PTPRM: variants seen among roughly 807,000 people sequenced by gnomAD.
The protein encoded by PTPRM is receptor-type tyrosine-protein phosphatase mu.
In PTPRM, 47 loss-of-function variants were observed where a neutral mutation model predicts 186.7. The ratio of observed to expected loss-of-function variants is 0.25; its 90% CI spans 0.20 to 0.32. The LOEUF (loss-of-function observed/expected upper bound fraction) is 0.32. Ranked by LOEUF, PTPRM falls within the 10% of genes least tolerant of loss-of-function variation. The pLI, the probability that PTPRM is intolerant of heterozygous loss-of-function variation, is 1.00. For synonymous variants in PTPRM, 668 were observed against 674.9 expected, an observed-to-expected ratio of 0.99 and a Z score of 0.16; for missense variants, 1,494 against 1,865.0, an observed-to-expected ratio of 0.80 and a Z score of 3.66.
chr18:8,337,371 TTCTTA>T (rs1446002103), intron 22 of PTPRM, among the ~76,000 whole-genome samples: 9 of 152,272 alleles, frequency 5.9e-5, no homozygotes, highest in African/African-American at 2.2e-4. Flanking sequence ...GTGTGGGCTG[TTCTTA>T]TCTTATCTCT....
At chr18:8,207,221 G>A (rs3886863) in intron 14 of PTPRM, among the ~76,000 whole-genome samples, 7,299 of 152,274 alleles carry the variant, frequency 0.048, 228 homozygotes, top group Admixed American at 0.076. Flanking sequence ...CTGGACTAGA[G>A]AAATAAAATT....
At position 8,061,422 on chromosome 18, in the gene PTPRM, G is replaced by A. The variant is rs1298292; in HGVS notation, c.1133-8264G>A. Among the ~76,000 whole-genome samples, 28 of 134,238 alleles carry A rather than the reference G, an allele frequency of 2.1e-4. 1 individual carries two copies. The highest frequency in any genetic ancestry group is 7.4e-4 in the African/African-American group (24 of 32,554). 88.1% of individuals were successfully genotyped at this position (134,238 alleles called of 152,430 possible). A position where few individuals can be genotyped will look rare whatever the true frequency, so the allele number is the denominator to read the frequency against. The stretch of plus-strand genomic sequence containing the variant: ...TGACTCTTAGATCCAACTTGCCAGT[G>A]TGTGTCTTTTAATTGGAGAATTTAG... On this transcript the variant is annotated intron_variant, in intron 7 of 32. Coordinates refer to ENST00000580170, the MANE Select transcript of PTPRM (RefSeq NM_001105244.2).
chr18:8,051,347 A>T (rs2087485053), intron 7 of PTPRM, among the ~76,000 whole-genome samples: 1 of 152,236 alleles, frequency 6.6e-6, no homozygotes, highest in Non-Finnish European at 1.5e-5. Flanking sequence ...TAACCTACAT[A>T]AATTGTGCAG....
chr18:8,077,984 C>A (rs560217113), intron 9 of PTPRM, among the ~76,000 whole-genome samples: 1 of 152,274 alleles, frequency 6.6e-6, no homozygotes, highest in South Asian at 2.1e-4. Context: ...GAACACTGAT[C>A]TAAATACTAC....
chr18:8,241,313 G>C (rs543737396), intron 14 of PTPRM, among the ~76,000 whole-genome samples: 341 of 152,074 alleles, frequency 2.2e-3, no homozygotes, highest in African/African-American at 7.7e-3. Context: ...ACTCCAGCCT[G>C]GGATGACAAA....
intron 7 of PTPRM, among the ~76,000 whole-genome samples, chr18:8,015,974 G>A (rs969648395): frequency 6.6e-6 from 1 of 152,092 alleles, no homozygotes; most frequent in Non-Finnish European, 1.5e-5. Flanking sequence ...TACCTAAAAT[G>A]TCTTCTAAGA....
intron 1 of PTPRM, among the ~76,000 whole-genome samples, chr18:7,696,686 A>G (rs533280725): frequency 2.6e-5 from 4 of 152,354 alleles, no homozygotes; most frequent in South Asian, 4.1e-4. Flanking sequence ...AGTTCATCCA[A>G]CAGGTACACT....
intron 20 of PTPRM, among the ~76,000 whole-genome samples, chr18:8,301,043 C>G (rs1166478685): frequency 6.6e-6 from 1 of 152,142 alleles, no homozygotes; most frequent in Non-Finnish European, 1.5e-5. Flanking sequence ...AAGTCAGTTC[C>G]ACTGCCTGTA....
intron 1 of PTPRM, among the ~76,000 whole-genome samples, chr18:7,603,230 G>A (rs1054256862): frequency 6.6e-6 from 1 of 152,060 alleles, no homozygotes; most frequent in African/African-American, 2.4e-5. Flanking sequence ...GCCCGGCCTG[G>A]AATTATTTTA....
At chr18:8,206,399 C>T (rs1384414967) in intron 14 of PTPRM, among the ~76,000 whole-genome samples, 1 of 152,066 alleles carries the variant, frequency 6.6e-6, no homozygotes, top group African/African-American at 2.4e-5. Flanking sequence ...CAGGCGCCCG[C>T]CACCACATCC....
At chr18:7,926,857 C>G (rs1024312468) in intron 5 of PTPRM, among the ~76,000 whole-genome samples, 174 bp downstream of exon 5, 8 of 152,126 alleles carry the variant, frequency 5.3e-5, no homozygotes, top group African/African-American at 1.9e-4. Flanking sequence ...TGTTTAAACA[C>G]CTTTTGTGAA....
chr18:7,904,502 A>C (rs890000993), intron 3 of PTPRM, among the ~76,000 whole-genome samples: 4 of 152,144 alleles, frequency 2.6e-5, no homozygotes, highest in Non-Finnish European at 5.9e-5. Context: ...ATGTTACATA[A>C]ATGGAATCAT....
chr18:8,136,700 G>A (rs746560608), intron 13 of PTPRM, among the ~76,000 whole-genome samples: 3 of 152,102 alleles, frequency 2.0e-5, no homozygotes, highest in Non-Finnish European at 4.4e-5. Flanking sequence ...GATTGACTTC[G>A]CATTCCCAGG....
At chr18:8,115,090 A>G (rs1269948739) in intron 13 of PTPRM, among the ~76,000 whole-genome samples, 1 of 152,192 alleles carries the variant, frequency 6.6e-6, no homozygotes, top group Non-Finnish European at 1.5e-5. Context: ...TACCTTTTTC[A>G]GATTTTTTCA....
intron 15 of PTPRM, among the ~76,000 whole-genome samples, chr18:8,246,385 A>G (rs2094476882): frequency 6.6e-6 from 1 of 152,332 alleles, no homozygotes; most frequent in African/African-American, 2.4e-5. Flanking sequence ...TAATCTCTCC[A>G]GCAAAGCAAG....
chr18:8,195,258 A>G (rs1223022442), intron 14 of PTPRM, among the ~76,000 whole-genome samples: 1 of 144,646 alleles, frequency 6.9e-6, no homozygotes, highest in Non-Finnish European at 1.5e-5. Context: ...CTAAGTATGT[A>G]TTTGCTTCGT....
rs59543142 is a variant in PTPRM at position 7,835,201 on chromosome 18, T to G, written c.197-52905T>G. On this transcript the variant is annotated intron_variant, in intron 2 of 32. Transcript: ENST00000580170. Reference sequence around the variant, plus strand: ...TTTGACATTTTTCTTTTTTTTTTTTTTTGTTGTAGGCACTTATAGCTCTAA... The same window carrying G: ...TTTGACATTTTTCTTTTTTTTTTTTGTTGTTGTAGGCACTTATAGCTCTAA... Among the ~76,000 whole-genome samples the G allele has an allele frequency of 8.0e-3, 1,211 of 150,998 alleles. 15 individuals carry two copies. The highest frequency in any genetic ancestry group is 0.024 in the African/African-American group (1,002 of 41,332).
intron 4 of PTPRM, among the ~76,000 whole-genome samples, chr18:7,911,352 A>G (rs1380299360): frequency 6.6e-6 from 1 of 152,198 alleles, no homozygotes; most frequent in Non-Finnish European, 1.5e-5. Flanking sequence ...ACCATTTTCC[A>G]TTTCAAACAG....
At chr18:8,135,812 C>T (rs2092624983) in intron 13 of PTPRM, among the ~76,000 whole-genome samples, 1 of 152,172 alleles carries the variant, frequency 6.6e-6, no homozygotes, top group African/African-American at 2.4e-5. Flanking sequence ...ACATCTCATG[C>T]AATTTGCTAG....
Sources: allele counts gnomAD v4.1 joint callset (sites outside exome capture counted in the v4.1 genomes callset), GRCh38; gene constraint gnomAD v4.1.1; transcripts MANE v1.5; gene names NCBI Gene and HGNC (gene_info 2026-07-23, HGNC 2026-07-21).